Variants in RAB30 observed in about 807,000 individuals in gnomAD.
RAB30 encodes RAB30, member RAS oncogene family, also known as ras-related protein Rab-30.
Under a neutral mutation model 25.1 loss-of-function variants are expected in RAB30, and 9 were observed. The ratio of observed to expected loss-of-function variants is 0.36; its 90% CI spans 0.22 to 0.63. RAB30 has a LOEUF of 0.63. RAB30 is among the 20% of genes least tolerant of loss of function. RAB30 has a pLI of 0.69. For synonymous variants in RAB30, 77 were observed against 86.4 expected, an observed-to-expected ratio of 0.89 and a Z score of 0.60; for missense variants, 140 against 243.5, an observed-to-expected ratio of 0.58 and a Z score of 2.83.
chr11:83,027,992 C>T (rs1421922235), intron 1 of RAB30, among the ~76,000 whole-genome samples: 8 of 152,126 alleles, frequency 5.3e-5, no homozygotes, highest in Non-Finnish European at 1.2e-4. Flanking sequence ...AGGAGCAACA[C>T]AGCCAAGGAT....
chr11:82,986,844 T>A (rs977992678), intron 4 of RAB30, among the ~76,000 whole-genome samples: 3 of 152,248 alleles, frequency 2.0e-5, no homozygotes, highest in Non-Finnish European at 4.4e-5. Flanking sequence ...TTATTAACCA[T>A]AATTTGTAAC....
At chr11:83,012,677 C>T (rs1233045019) in intron 1 of RAB30, among the ~76,000 whole-genome samples, 1 of 152,122 alleles carries the variant, frequency 6.6e-6, no homozygotes, top group Admixed American at 6.5e-5. Flanking sequence ...CAATAAAGTA[C>T]AAAGAAGAGG....
intron 1 of RAB30, among the ~76,000 whole-genome samples, chr11:83,009,799 A>G (rs190420763): frequency 1.3e-5 from 2 of 152,288 alleles, no homozygotes; most frequent in Admixed American, 1.3e-4. Flanking sequence ...TTCAATACTC[A>G]TCAAAAGCCT....
rs151333993 is a variant in RAB30 at position 82,991,488 on chromosome 11, C to G, written c.177+2551G>C. Among the ~76,000 whole-genome samples, 124 of 106,434 alleles carry G rather than the reference C, an allele frequency of 1.2e-3. 4 individuals are homozygous for G. The East Asian group carries it at 0.034, about 29-fold the overall frequency. 69.8% of individuals were successfully genotyped at this position (106,434 alleles called of 152,430 possible). On this transcript the variant is annotated intron_variant, in intron 3 of 4. Coordinates refer to ENST00000527633, the MANE Select transcript of RAB30 (RefSeq NM_001286060.2). ...CACCACTGCACTCCAGCCTAGGCAA[C>G]AGAGCAAGACCCTTTCTCAAAAAAA...
intron 1 of RAB30, among the ~76,000 whole-genome samples, chr11:83,067,103 G>T (rs145276784): frequency 8.6e-5 from 13 of 151,908 alleles, no homozygotes; most frequent in Non-Finnish European, 1.9e-4. Context: ...GATGCCTCCC[G>T]CACCCATCAC....
intron 1 of RAB30, among the ~76,000 whole-genome samples, chr11:83,066,792 T>C (rs1395408319): frequency 6.6e-6 from 1 of 152,206 alleles, no homozygotes; most frequent in African/African-American, 2.4e-5. Context: ...CCTCAGGTGA[T>C]CCACCCACCT....
intron 1 of RAB30, chr11:83,035,422 G>C (rs1857966585): frequency 6.6e-6 from 1 of 152,288 alleles, no homozygotes; most frequent in Non-Finnish European, 1.5e-5. Context: ...CATGCACCAT[G>C]GACTCAGTTG....
intron 1 of RAB30, among the ~76,000 whole-genome samples, chr11:83,050,767 CT>C (rs1374102548): frequency 2.0e-5 from 3 of 151,932 alleles, no homozygotes; most frequent in Non-Finnish European, 4.4e-5. Context: ...ACCTCATTTT[CT>C]TTTTCTCAGT....
At chr11:82,993,054 T>C (rs1021108844) in intron 3 of RAB30, among the ~76,000 whole-genome samples, 1 of 152,248 alleles carries the variant, frequency 6.6e-6, no homozygotes, top group African/African-American at 2.4e-5. Context: ...AAGAGCCAAC[T>C]GTGGAACTTC....
intron 1 of RAB30, among the ~76,000 whole-genome samples, chr11:83,020,979 T>C (rs1857563668): frequency 6.6e-6 from 1 of 152,110 alleles, no homozygotes; most frequent in Non-Finnish European, 1.5e-5. Flanking sequence ...CCTTCTCTGC[T>C]GATAGCAGGA....
chr11:83,045,431 C>A (rs1440025515), intron 1 of RAB30, among the ~76,000 whole-genome samples: 1 of 152,102 alleles, frequency 6.6e-6, no homozygotes. Context: ...ACACCCAGCT[C>A]TGTAAACATT....
At chr11:82,998,655 A>G (rs983708465) in intron 1 of RAB30, among the ~76,000 whole-genome samples, 3 of 152,068 alleles carry the variant, frequency 2.0e-5, no homozygotes, top group African/African-American at 7.2e-5. Flanking sequence ...ACCACAGGAA[A>G]TACAGAGAAG....
At chr11:83,021,114 G>T (rs1857567790) in intron 1 of RAB30, among the ~76,000 whole-genome samples, 1 of 152,200 alleles carries the variant, frequency 6.6e-6, no homozygotes, top group Admixed American at 6.5e-5. Context: ...GCTGCTCACT[G>T]CGGGTCTTCT....
chr11:83,005,310 G>A (rs1373851808), intron 1 of RAB30, among the ~76,000 whole-genome samples: 1 of 152,188 alleles, frequency 6.6e-6, no homozygotes, highest in Non-Finnish European at 1.5e-5. Flanking sequence ...CACACTATGT[G>A]TCCCCAGGTT....
At chr11:83,017,270 G>C (rs146112258) in intron 1 of RAB30, among the ~76,000 whole-genome samples, 10 of 152,188 alleles carry the variant, frequency 6.6e-5, no homozygotes, top group African/African-American at 2.4e-4. Context: ...CTGGGAAGTA[G>C]AGGGTGCAGT....
chr11:83,004,330 A>T (rs1321603873), intron 1 of RAB30, among the ~76,000 whole-genome samples: 3 of 152,220 alleles, frequency 2.0e-5, no homozygotes, highest in African/African-American at 7.2e-5. Flanking sequence ...AATACACTTT[A>T]ATATAAATTT....
intron 1 of RAB30, among the ~76,000 whole-genome samples, chr11:83,062,057 G>A (rs1452599334): frequency 6.6e-6 from 1 of 151,998 alleles, no homozygotes; most frequent in African/African-American, 2.4e-5. Flanking sequence ...AGACGGTCCT[G>A]GCTTCATGAA....
At chr11:82,983,098 C>T (rs994850299) in intron 4 of RAB30, among the ~76,000 whole-genome samples, 21 of 151,120 alleles carry the variant, frequency 1.4e-4, no homozygotes, top group Non-Finnish European at 2.1e-4. Flanking sequence ...ATATACAATA[C>T]GCAACTGTCT....
At chr11:83,023,322 T>C (rs1857626046) in intron 1 of RAB30, among the ~76,000 whole-genome samples, 1 of 152,190 alleles carries the variant, frequency 6.6e-6, no homozygotes, top group South Asian at 2.1e-4. Context: ...TAATTGTTCA[T>C]AAACCTACAT....
Sources: allele counts gnomAD v4.1 joint callset (sites outside exome capture counted in the v4.1 genomes callset), GRCh38; gene constraint gnomAD v4.1.1; transcripts MANE v1.5; gene names NCBI Gene and HGNC (gene_info 2026-07-23, HGNC 2026-07-21).